IGSF21: variants seen among roughly 807,000 people sequenced by gnomAD.
The protein encoded by IGSF21 is immunoglobulin superfamily member 21.
A neutral mutation model predicts 46.8 loss-of-function variants in IGSF21; 28 were observed. The observed-to-expected ratio is 0.60, with a 90% CI of 0.44 to 0.82. The LOEUF is 0.82. Among genes scored for constraint, IGSF21 ranks in the 40% least tolerant of loss-of-function variants. IGSF21 has a pLI of 0.00. For synonymous variants in IGSF21, 284 were observed against 273.6 expected (o/e 1.04, Z -0.38); for missense variants, 624 against 665.5 (o/e 0.94, Z 0.69).
At chr1:18,137,686 G>C (rs563699270) in intron 1 of IGSF21, among the ~76,000 whole-genome samples, 3 of 152,218 alleles carry the variant, frequency 2.0e-5, no homozygotes, top group Admixed American at 2.0e-4. Flanking sequence ...TATTTGCATG[G>C]ATTTCTACCA....
intron 2 of IGSF21, among the ~76,000 whole-genome samples, chr1:18,241,988 T>TG (rs2084733979): frequency 6.6e-6 from 1 of 152,078 alleles, no homozygotes; most frequent in Non-Finnish European, 1.5e-5. Flanking sequence ...GCCTCCTCCG[T>TG]GGGGGAGAGA....
intron 3 of IGSF21, among the ~76,000 whole-genome samples, chr1:18,331,593 T>A (rs966290885): frequency 3.3e-5 from 5 of 152,254 alleles, no homozygotes; most frequent in African/African-American, 1.2e-4. Flanking sequence ...ATCCTTTTCA[T>A]ATAATGTCTT....
chr1:18,247,878 A>C (rs971143434), intron 2 of IGSF21, among the ~76,000 whole-genome samples: 1 of 151,378 alleles, frequency 6.6e-6, no homozygotes, highest in Admixed American at 6.6e-5. Context: ...AGTGGGATTC[A>C]AACTCTGGTG....
In IGSF21 at chr1:18,293,021, C is replaced by A. The variant is rs143531137; in HGVS notation, c.305+1034C>A. ...AGGGGGACTGCAGCCCCGGCAAGCC[C>A]ACATGATGTGCACTGTGGCACCATG... On this transcript the variant is annotated intron_variant, in intron 3 of 9. Transcript: ENST00000251296. 2.8e-3 allele frequency among the ~76,000 whole-genome samples: 419 copies of A among 152,346 alleles called. 8 individuals carry two copies. The highest frequency in any genetic ancestry group is 9.8e-3 in the African/African-American group (406 of 41,570).
At chr1:18,372,616 G>A (rs1030678215) in intron 6 of IGSF21, among the ~76,000 whole-genome samples, 19 of 125,078 alleles carry the variant, frequency 1.5e-4, no homozygotes, top group African/African-American at 5.2e-4. Context: ...ATGGGTGGAT[G>A]TTTGGATGGA....
At chr1:18,208,521 A>G (rs1275463851) in intron 1 of IGSF21, among the ~76,000 whole-genome samples, 1 of 146,072 alleles carries the variant, frequency 6.8e-6, no homozygotes, top group African/African-American at 2.5e-5. Flanking sequence ...AGCTGGGACT[A>G]CAGGAGCCCA....
chr1:18,182,788 G>A (rs2086869226), intron 1 of IGSF21, among the ~76,000 whole-genome samples: 1 of 152,196 alleles, frequency 6.6e-6, no homozygotes, highest in Admixed American at 6.5e-5. Flanking sequence ...ATAGGGGTGG[G>A]AACAGAGCCA....
chr1:18,347,259 T>A (rs921470688), intron 4 of IGSF21, among the ~76,000 whole-genome samples: 5 of 152,048 alleles, frequency 3.3e-5, no homozygotes. Context: ...CCACCAGCTG[T>A]CCCTCTAATC....
intron 2 of IGSF21, among the ~76,000 whole-genome samples, chr1:18,256,897 C>T (rs1423920122): frequency 1.3e-5 from 2 of 152,204 alleles, no homozygotes; most frequent in Non-Finnish European, 2.9e-5. Context: ...GGCCCAGTTG[C>T]CGGCAAGCGG....
chr1:18,166,203 G>T lies in IGSF21; in HGVS notation c.70+58005G>T, dbSNP rs1434293333. Among the ~76,000 whole-genome samples the T allele has an allele frequency of 2.0e-5, 3 of 152,006 alleles. No individual in the cohort carries two copies. The East Asian group carries it at 5.8e-4, about 29-fold the overall frequency. On this transcript the variant is annotated intron_variant, in intron 1 of 9. Coordinates refer to ENST00000251296, the MANE Select transcript of IGSF21 (RefSeq NM_032880.5). ...CCCACATATCTTTTTTTCTGAGCTT[G>T]CTTTTAAAAAAAATTTTACCTTGTA...
intron 2 of IGSF21, among the ~76,000 whole-genome samples, chr1:18,273,037 A>ATTTTTTTTTTT (rs2085057685): frequency 4.4e-5 from 4 of 90,194 alleles, no homozygotes; most frequent in Admixed American, 1.1e-4. Flanking sequence ...AGCCAGACGG[A>ATTTTTTTTTTT]TCTTTTTTTT....
chr1:18,184,201 C>A (rs2086881963), intron 1 of IGSF21, among the ~76,000 whole-genome samples: 1 of 152,154 alleles, frequency 6.6e-6, no homozygotes, highest in South Asian at 2.1e-4. Context: ...AGCCTTCTAG[C>A]CTTGGGCTTC....
chr1:18,359,387 G>GAAAGAAAGA (rs1557659651), intron 4 of IGSF21, among the ~76,000 whole-genome samples: 30 of 33,864 alleles, frequency 8.9e-4, no homozygotes, highest in African/African-American at 2.6e-3. Context: ...AGAAAGAAAG[G>GAAAGAAAGA]AAGGAAGGAA....
chr1:18,265,877 C>A (rs377365317), intron 2 of IGSF21, among the ~76,000 whole-genome samples: 3 of 152,214 alleles, frequency 2.0e-5, no homozygotes, highest in Non-Finnish European at 2.9e-5. Context: ...TCTGTCCCAG[C>A]GCCTGGGCCT....
chr1:18,196,988 A>G (rs1292567585), intron 1 of IGSF21, among the ~76,000 whole-genome samples: 3 of 152,106 alleles, frequency 2.0e-5, no homozygotes, highest in Non-Finnish European at 4.4e-5. Context: ...TACCAAGTAT[A>G]TATTTTTTCT....
chr1:18,186,690 G>T (rs143319953), intron 1 of IGSF21, among the ~76,000 whole-genome samples: 1 of 152,150 alleles, frequency 6.6e-6, no homozygotes, highest in Non-Finnish European at 1.5e-5. Context: ...TAAGAAAAAT[G>T]TTCAAAATCC....
intron 2 of IGSF21, among the ~76,000 whole-genome samples, chr1:18,262,165 T>A (rs1318374387): frequency 6.6e-6 from 1 of 152,134 alleles, no homozygotes; most frequent in Non-Finnish European, 1.5e-5. Flanking sequence ...TGAATAGCAG[T>A]GTAGACTACA....
chr1:18,110,500 C>A (rs556562386), intron 1 of IGSF21: 450 of 152,408 alleles, frequency 3.0e-3, no homozygotes, highest in Admixed American at 6.3e-3. Flanking sequence ...CCCGCGCCGG[C>A]CTTCACGAAC....
At chr1:18,252,051 T>C (rs1018613085) in intron 2 of IGSF21, among the ~76,000 whole-genome samples, 5 of 132,656 alleles carry the variant, frequency 3.8e-5, no homozygotes, top group Admixed American at 2.3e-4. Flanking sequence ...AGGCGTTTTT[T>C]TTTTTTTTTT....
Sources: allele counts gnomAD v4.1 joint callset (sites outside exome capture counted in the v4.1 genomes callset), GRCh38; gene constraint gnomAD v4.1.1; transcripts MANE v1.5; gene names NCBI Gene and HGNC (gene_info 2026-07-23, HGNC 2026-07-21).